Variants in DDX10 observed in about 807,000 individuals in gnomAD.
DDX10 encodes DEAD-box helicase 10.
In DDX10, 74 loss-of-function variants were observed where a neutral mutation model predicts 104.3. The observed-to-expected ratio is 0.71, with a 90% CI of 0.59 to 0.86. DDX10 has a LOEUF of 0.86. Ranked by LOEUF, DDX10 falls within the 40% of genes least tolerant of loss-of-function variation. The pLI is 0.00. For missense variants in DDX10, 952 were observed against 1,040.0 expected, an observed-to-expected ratio of 0.92 and a Z score of 1.16; for synonymous variants, 351 against 353.4, an observed-to-expected ratio of 0.99 and a Z score of 0.08.
chr11:108,755,329 T>TC (rs2094343224), intron 13 of DDX10, among the ~76,000 whole-genome samples: 1 of 152,112 alleles, frequency 6.6e-6, no homozygotes, highest in Non-Finnish European at 1.5e-5. Context: ...TTCTCTAACT[T>TC]ATGAGAGTCA....
intron 17 of DDX10, among the ~76,000 whole-genome samples, chr11:108,924,325 G>A (rs750370617): frequency 1.2e-4 from 18 of 152,242 alleles, no homozygotes; most frequent in East Asian, 3.9e-4. Flanking sequence ...AGGGTATTTC[G>A]TAGATTATTC....
chr11:108,851,941 T>TA (rs1862798187), intron 15 of DDX10, among the ~76,000 whole-genome samples: 1 of 152,198 alleles, frequency 6.6e-6, no homozygotes, highest in African/African-American at 2.4e-5. Context: ...GAGTAAGTGA[T>TA]ATAGAACTGG....
rs1038221945 is a variant in DDX10 at position 108,671,198 on chromosome 11, C to G, written c.187-2269C>G. ...TATTTTTTTGAGGTAGAGTCTCGCTCTGTTGCCCAGGCTGGAGTGCAGTGG... is the reference window on the plus strand; with the variant it reads ...TATTTTTTTGAGGTAGAGTCTCGCTGTGTTGCCCAGGCTGGAGTGCAGTGG... On this transcript the variant is annotated intron_variant, in intron 1 of 17. Transcript: ENST00000322536. Among the ~76,000 whole-genome samples the G allele has an allele frequency of 7.9e-5, 12 of 152,330 alleles. No individual in the cohort carries two copies. In the East Asian group the frequency reaches 1.2e-3, roughly 15 times the overall value.
intron 13 of DDX10, among the ~76,000 whole-genome samples, chr11:108,760,212 A>G (rs983616879): frequency 6.6e-6 from 1 of 151,670 alleles, no homozygotes; most frequent in Non-Finnish European, 1.5e-5. Flanking sequence ...GTTATTTTAT[A>G]TATTGGATTG....
intron 17 of DDX10, among the ~76,000 whole-genome samples, chr11:108,922,847 A>G (rs1822249472): frequency 1.3e-5 from 2 of 152,200 alleles, no homozygotes; most frequent in Admixed American, 1.3e-4. Context: ...TGAATAGTTT[A>G]TTTATCCTCA....
chr11:108,850,479 A>C (rs974888104), intron 15 of DDX10, among the ~76,000 whole-genome samples: 1 of 152,132 alleles, frequency 6.6e-6, no homozygotes, highest in Admixed American at 6.6e-5. Flanking sequence ...TCAGACACTG[A>C]TGTGTTGGAG....
intron 13 of DDX10, among the ~76,000 whole-genome samples, chr11:108,811,753 A>G (rs1018759292): frequency 6.6e-6 from 1 of 152,126 alleles, no homozygotes; most frequent in Non-Finnish European, 1.5e-5. Context: ...ATATTTTGTC[A>G]TTAACTGCCT....
intron 13 of DDX10, among the ~76,000 whole-genome samples, chr11:108,810,482 G>GGTGT (rs765037600): frequency 6.6e-6 from 1 of 151,880 alleles, no homozygotes; most frequent in African/African-American, 2.4e-5. Flanking sequence ...GGAGGACTAG[G>GGTGT]GTGTGTGTGT....
intron 6 of DDX10, among the ~76,000 whole-genome samples, chr11:108,687,126 A>G (rs576523048): frequency 2.0e-4 from 30 of 152,202 alleles, no homozygotes; most frequent in Non-Finnish European, 4.1e-4. Flanking sequence ...ACTGTCTTCC[A>G]AAATGGCAGT....
At chr11:108,751,448 C>T (rs2094338605) in intron 13 of DDX10, among the ~76,000 whole-genome samples, 1 of 152,050 alleles carries the variant, frequency 6.6e-6, no homozygotes, top group African/African-American at 2.4e-5. Context: ...CAGTTCCTTC[C>T]ATAACAAAAG....
chr11:108,878,577 A>G lies in DDX10; in HGVS notation c.2304+26368A>G, dbSNP rs11212800. 8.7e-3 allele frequency among the ~76,000 whole-genome samples: 1,320 copies of G among 152,330 alleles called. 10 individuals are homozygous for G. The highest frequency in any genetic ancestry group is 0.015 in the Non-Finnish European group (1,007 of 68,034). ...AATAATTCTCCTTGTTTTTGCCACAATAACCCATCAAGTCTTATGACAAAG... is the reference window on the plus strand; with the variant it reads ...AATAATTCTCCTTGTTTTTGCCACAGTAACCCATCAAGTCTTATGACAAAG... On this transcript the variant is annotated intron_variant, in intron 16 of 17. Coordinates refer to ENST00000322536, the MANE Select transcript of DDX10 (RefSeq NM_004398.4).
chr11:108,854,681 C>T (rs771905516), intron 16 of DDX10, among the ~76,000 whole-genome samples: 31 of 151,916 alleles, frequency 2.0e-4, no homozygotes, highest in Non-Finnish European at 3.8e-4. Context: ...GTGTTTCATG[C>T]AGCAAACATC....
intron 9 of DDX10, among the ~76,000 whole-genome samples, chr11:108,698,820 AG>A (rs1193313697): frequency 6.6e-6 from 1 of 152,166 alleles, no homozygotes; most frequent in African/African-American, 2.4e-5. Flanking sequence ...CCAGTTTGCT[AG>A]TATTCTCCCC....
At chr11:108,909,560 A>T (rs187690145) in intron 16 of DDX10, among the ~76,000 whole-genome samples, 5 of 152,070 alleles carry the variant, frequency 3.3e-5, no homozygotes, top group African/African-American at 4.8e-5. Flanking sequence ...ATGGGCAATC[A>T]TTAAGTAAAA....
At chr11:108,688,865 C>G in intron 6 of DDX10, 71 bp from the exon 7 acceptor site, 1 of 1,528,096 alleles carries the variant, frequency 6.5e-7, no homozygotes, top group Non-Finnish European at 8.9e-7. Flanking sequence ...AAACTTGTTT[C>G]CTTTTTTGGT....
intron 10 of DDX10, 64 bp from the exon 11 acceptor site, chr11:108,715,815 C>G: frequency 1.3e-6 from 1 of 790,858 alleles, no homozygotes; most frequent in Non-Finnish European, 2.1e-6. Context: ...GAAAATGCTG[C>G]TTACTATTTT....
chr11:108,770,550 A>C, intron 13 of DDX10, among the ~76,000 whole-genome samples: 1 of 119,632 alleles, frequency 8.4e-6, no homozygotes, highest in South Asian at 2.7e-4. Flanking sequence ...CCATCCTTCT[A>C]CTCTCTCTGT....
chr11:108,769,122 A>G (rs148034915), intron 13 of DDX10, among the ~76,000 whole-genome samples: 324 of 151,806 alleles, frequency 2.1e-3, no homozygotes, highest in African/African-American at 7.6e-3. Flanking sequence ...ATACATAGTC[A>G]CTGATTGGGA....
At chr11:108,901,061 C>G (rs1477319122) in intron 16 of DDX10, among the ~76,000 whole-genome samples, 1 of 152,156 alleles carries the variant, frequency 6.6e-6, no homozygotes, top group Non-Finnish European at 1.5e-5. Context: ...GTCCCAGTAC[C>G]AGATCTAGCC....
Sources: allele counts gnomAD v4.1 joint callset (sites outside exome capture counted in the v4.1 genomes callset), GRCh38; gene constraint gnomAD v4.1.1; transcripts MANE v1.5; gene names NCBI Gene and HGNC (gene_info 2026-07-23, HGNC 2026-07-21).